The following NRK variants were observed in gnomAD, a reference collection of about 807,000 sequenced individuals.
NRK encodes the protein Nik related kinase, also known as nik-related protein kinase.
A neutral mutation model predicts 125.2 loss-of-function variants in NRK; 67 were observed. The observed-to-expected ratio is 0.54, with a 90% CI of 0.44 to 0.66. NRK has a LOEUF of 0.66. Ranked by LOEUF, NRK falls within the 30% of genes least tolerant of loss-of-function variation. The probability of loss-of-function intolerance (pLI) is 0.00; values close to 1 mark genes in which losing one functional copy is unlikely to be tolerated. For missense variants in NRK, 1,224 were observed against 1,192.9 expected, an observed-to-expected ratio of 1.03 and a Z score of -0.38; for synonymous variants, 458 against 429.0, an observed-to-expected ratio of 1.07 and a Z score of -0.84.
At chrX:105,934,665 T>G (rs1474485666) in intron 20 of NRK, among the ~76,000 whole-genome samples, 1 of 112,308 alleles carries the variant, frequency 8.9e-6, no homozygotes, top group Admixed American at 9.5e-5. Flanking sequence ...TATGGATTTA[T>G]GTGTGTTTTC....
At chrX:105,836,432 T>G (rs994199652) in intron 2 of NRK, among the ~76,000 whole-genome samples, 3 of 111,751 alleles carry the variant, frequency 2.7e-5, no homozygotes, top group Middle Eastern at 4.7e-3. Flanking sequence ...GGTAGATGCT[T>G]AAAAAAACTT....
At chrX:105,943,669 T>C (rs1211381566) in intron 23 of NRK, among the ~76,000 whole-genome samples, 2 of 112,283 alleles carry the variant, frequency 1.8e-5, no homozygotes, top group Non-Finnish European at 3.8e-5. Context: ...AGGAAAACTT[T>C]TTCCATTTAT....
intron 7 of NRK, among the ~76,000 whole-genome samples, chrX:105,897,188 G>T (rs1270312666): frequency 8.9e-6 from 1 of 112,376 alleles, no homozygotes; most frequent in Non-Finnish European, 1.9e-5. Flanking sequence ...AGATTTCTCA[G>T]ATTATCATTA....
At position 105,829,183 on chromosome X, in the gene NRK, G is replaced by C. The variant is rs774267780; in HGVS notation, c.58-1871G>C. Among the ~76,000 whole-genome samples, 10 of 111,919 alleles carry C rather than the reference G, an allele frequency of 8.9e-5. No individual in the cohort carries two copies. In the East Asian group the frequency reaches 2.8e-3, roughly 32 times the overall value. Reference sequence around the variant, plus strand: ...ATAGTTAATTAATGGTAGAGCTGGGGCTAAAATTCAAGTCTTCTGACTCTC... The same window carrying C: ...ATAGTTAATTAATGGTAGAGCTGGGCCTAAAATTCAAGTCTTCTGACTCTC... On this transcript the variant is annotated intron_variant, in intron 1 of 28. Transcript: ENST00000243300.
chrX:105,851,852 C>T (rs1332836153), intron 2 of NRK, among the ~76,000 whole-genome samples: 2 of 111,082 alleles, frequency 1.8e-5, no homozygotes, highest in African/African-American at 6.6e-5. Flanking sequence ...GATCAAGTCT[C>T]TCTTGGTTAC....
chrX:105,889,562 C>T (rs1054466118), intron 5 of NRK, among the ~76,000 whole-genome samples: 2 of 112,295 alleles, frequency 1.8e-5, no homozygotes, highest in Admixed American at 9.4e-5. Flanking sequence ...AGGTTCTCCA[C>T]GAGGACCTGG....
In NRK at chrX:105,943,999, T is replaced by C. The variant is rs781068792; in HGVS notation, c.4017T>C (p.Tyr1339=). 1.7e-6 allele frequency: 2 copies of C among 1,175,845 alleles called. No individual in the cohort carries two copies. Among genetic ancestry groups the C allele is most frequent in the Non-Finnish European group, 1.2e-6 (1 of 866,854 alleles). The part of the protein sequence containing the change: ...AIALKSSIHL[Y]AWAPKSFDES... ...CTTTGAAATCATCAATTCACCTTTA[T>C]GCATGGGCACCAAAGTCCTTTGATG... is the stretch of plus-strand genomic sequence containing the variant. The change falls in exon 24 of 29, where the codon TAT becomes TAC. Residue 1339 remains tyrosine, a synonymous_variant. Coordinates refer to ENST00000243300, the MANE Select transcript of NRK (RefSeq NM_198465.4).
intron 2 of NRK, among the ~76,000 whole-genome samples, chrX:105,862,104 T>TC (rs2039611515): frequency 9.0e-6 from 1 of 111,397 alleles, no homozygotes; most frequent in Non-Finnish European, 1.9e-5. Context: ...TATCTATCTA[T>TC]TTATCTATAT....
chrX:105,920,069 T>C (rs1250923007), intron 16 of NRK, among the ~76,000 whole-genome samples: 3 of 105,971 alleles, frequency 2.8e-5, no homozygotes, highest in African/African-American at 1.0e-4. Context: ...TTGATTTTTG[T>C]ATAAGGTGAA....
At position 105,945,863 on chromosome X, in the gene NRK, C is replaced by A; in HGVS notation, c.4060-9C>A. The A allele has an allele frequency of 8.3e-7, 1 of 1,203,297 alleles. No homozygotes were observed. Among genetic ancestry groups the A allele is most frequent in the South Asian group, 1.8e-5 (1 of 56,475 alleles). ...GTTAACATGTCTGGCCCTTTTCATT[C>A]CCTACCAAGTATGCATTGATCAATC... On this transcript the variant is annotated splice_polypyrimidine_tract_variant and intron_variant, in intron 24 of 28. Transcript: ENST00000243300.
At chrX:105,866,030 A>G (rs1286560350) in intron 2 of NRK, among the ~76,000 whole-genome samples, 4 of 108,237 alleles carry the variant, frequency 3.7e-5, no homozygotes, top group Admixed American at 2.0e-4. Flanking sequence ...AAAAAAAAAC[A>G]TAAAAGTCAG....
chrX:105,873,774 A>T (rs1437208823), intron 2 of NRK, among the ~76,000 whole-genome samples: 1 of 111,418 alleles, frequency 9.0e-6, no homozygotes, highest in African/African-American at 3.3e-5. Context: ...TTCAAATGCT[A>T]TGCCATCTTC....
chrX:105,893,423 T>G (rs1469054395), intron 5 of NRK, among the ~76,000 whole-genome samples: 2 of 112,173 alleles, frequency 1.8e-5, no homozygotes, highest in Non-Finnish European at 3.8e-5. Context: ...ATTAAACTGT[T>G]TCCTTGACCA....
At chrX:105,883,846 A>T (rs1432024784) in intron 4 of NRK, among the ~76,000 whole-genome samples, 3 of 112,962 alleles carry the variant, frequency 2.7e-5, no homozygotes, top group African/African-American at 9.6e-5. Context: ...TGAAACTGAG[A>T]GTGCGTACGC....
chrX:105,826,230 T>G (rs1415862417), intron 1 of NRK, among the ~76,000 whole-genome samples: 1 of 88,700 alleles, frequency 1.1e-5, no homozygotes, highest in Non-Finnish European at 2.2e-5. Flanking sequence ...TGATAATATA[T>G]TATCATATAT....
intron 23 of NRK, among the ~76,000 whole-genome samples, chrX:105,943,538 A>G (rs1458115494): frequency 8.9e-6 from 1 of 112,297 alleles, no homozygotes; most frequent in African/African-American, 3.2e-5. Flanking sequence ...ATATAGGATC[A>G]ACTTTTCCAT....
chrX:105,835,549 T>C (rs192398898), intron 2 of NRK, among the ~76,000 whole-genome samples: 1 of 110,528 alleles, frequency 9.0e-6, no homozygotes, highest in East Asian at 2.8e-4. Flanking sequence ...TTAGTTATCC[T>C]TTCCCTCTTC....
intron 10 of NRK, among the ~76,000 whole-genome samples, 168 bp downstream of exon 10, chrX:105,905,511 G>T (rs758010206): frequency 8.9e-6 from 1 of 112,594 alleles, no homozygotes; most frequent in Admixed American, 9.4e-5. Flanking sequence ...TTCATTAAGA[G>T]GTAGCTAGCC....
intron 23 of NRK, among the ~76,000 whole-genome samples, chrX:105,941,555 AAG>A (rs771874766): frequency 0.015 from 1,302 of 85,013 alleles, 27 homozygotes; most frequent in African/African-American, 0.041. Flanking sequence ...GAGAGACAGA[AAG>A]AGAGAGAGAG....
Sources: allele counts gnomAD v4.1 joint callset (sites outside exome capture counted in the v4.1 genomes callset), GRCh38; gene constraint gnomAD v4.1.1; transcripts MANE v1.5; gene names NCBI Gene and HGNC (gene_info 2026-07-23, HGNC 2026-07-21).